The following ARSF variants were observed in gnomAD, a reference collection of about 807,000 sequenced individuals.
ARSF encodes the protein arylsulfatase F.
Under a neutral mutation model 35.4 loss-of-function variants are expected in ARSF, and 33 were observed. The ratio of observed to expected loss-of-function variants is 0.93; its 90% CI spans 0.71 to 1.25. The LOEUF (loss-of-function observed/expected upper bound fraction) is 1.25. ARSF is among the 50% of genes most tolerant of loss of function. The probability of loss-of-function intolerance (pLI) is 0.00; values close to 1 mark genes in which losing one functional copy is unlikely to be tolerated. For missense variants in ARSF, 501 were observed against 480.2 expected, an observed-to-expected ratio of 1.04 and a Z score of -0.40; for synonymous variants, 222 against 193.1, an observed-to-expected ratio of 1.15 and a Z score of -1.24.
chrX:3,109,812 A>G (rs1173830170), intron 9 of ARSF, among the ~76,000 whole-genome samples: 2 of 112,559 alleles, frequency 1.8e-5, no homozygotes, highest in Non-Finnish European at 3.7e-5. Flanking sequence ...TGAAGTTCAG[A>G]TTTATGAAAT....
At chrX:3,072,375 CTCTT>C (rs2090111777) in intron 3 of ARSF, among the ~76,000 whole-genome samples, 200 bp downstream of exon 3, 1 of 111,608 alleles carries the variant, frequency 9.0e-6, no homozygotes, top group African/African-American at 3.3e-5. Context: ...TAATTTGAAT[CTCTT>C]TCAGTTTTTA....
At chrX:3,084,038 C>G (rs1365065466) in intron 5 of ARSF, among the ~76,000 whole-genome samples, 1 of 112,014 alleles carries the variant, frequency 8.9e-6, no homozygotes, top group East Asian at 2.8e-4. Flanking sequence ...GATCTGAATA[C>G]AAACTTCCTC....
At chrX:3,056,464 C>T (rs940592052) in intron 1 of ARSF, among the ~76,000 whole-genome samples, 9 of 108,545 alleles carry the variant, frequency 8.3e-5, no homozygotes, top group East Asian at 5.9e-4. Context: ...TTAGTAGAGA[C>T]GGCGTTTCGC....
In ARSF at chrX:3,050,027, T is replaced by G. The variant is rs111795043; in HGVS notation, c.-29+8364T>G. Among the ~76,000 whole-genome samples, 199 of 110,114 alleles carry G rather than the reference T, an allele frequency of 1.8e-3. 1 individual carries two copies. The highest frequency in any genetic ancestry group is 5.8e-3 in the African/African-American group (177 of 30,313). On this transcript the variant is annotated intron_variant, in intron 1 of 10. Coordinates refer to ENST00000381127, the MANE Select transcript of ARSF (RefSeq NM_001201539.2). ...GGCACCTGCCACCACGCCCAGCTAATTTTTTTGTATTTTTAGTAGAGACGA... is the reference window on the plus strand; with the variant it reads ...GGCACCTGCCACCACGCCCAGCTAAGTTTTTTGTATTTTTAGTAGAGACGA...
At chrX:3,095,525 A>G (rs1047198660) in intron 7 of ARSF, among the ~76,000 whole-genome samples, 1 of 109,285 alleles carries the variant, frequency 9.2e-6, no homozygotes, top group Non-Finnish European at 1.9e-5. Flanking sequence ...ATTATATATT[A>G]TGTACATGTA....
At chrX:3,059,808 A>G (rs929914293) in intron 1 of ARSF, among the ~76,000 whole-genome samples, 3 of 112,785 alleles carry the variant, frequency 2.7e-5, no homozygotes, top group Non-Finnish European at 5.6e-5. Context: ...GGCAGAGCCC[A>G]CTGCAGCTCA....
At chrX:3,043,297 G>A (rs1222854818) in intron 1 of ARSF, among the ~76,000 whole-genome samples, 1 of 111,994 alleles carries the variant, frequency 8.9e-6, no homozygotes, top group Non-Finnish European at 1.9e-5. Flanking sequence ...GGTTGTATAT[G>A]GTCTGTGCAA....
At position 3,087,938 on chromosome X, in the gene ARSF, G is replaced by A. The variant is rs192468912; in HGVS notation, c.831-1558G>A. 3.6e-5 allele frequency among the ~76,000 whole-genome samples: 4 copies of A among 111,969 alleles called. No homozygotes were observed. In the East Asian group the frequency reaches 8.5e-4, roughly 24 times the overall value. On this transcript the variant is annotated intron_variant, in intron 6 of 10. Coordinates refer to ENST00000381127, the MANE Select transcript of ARSF (RefSeq NM_001201539.2). ...GTTTCAAGTGAACGTGAATTTTGAGGGGTCACTGTTCAAGACACCATGACA... is the reference window on the plus strand; with the variant it reads ...GTTTCAAGTGAACGTGAATTTTGAGAGGTCACTGTTCAAGACACCATGACA...
intron 7 of ARSF, among the ~76,000 whole-genome samples, chrX:3,099,223 G>A (rs2090359709): frequency 8.9e-6 from 1 of 111,781 alleles, no homozygotes; most frequent in South Asian, 3.7e-4. Context: ...AAATTAACAT[G>A]GGTGGATTCT....
At chrX:3,073,414 A>G (rs985855272) in intron 3 of ARSF, among the ~76,000 whole-genome samples, 1 of 101,551 alleles carries the variant, frequency 9.8e-6, no homozygotes, top group Non-Finnish European at 2.0e-5. Flanking sequence ...CTTCAGAGCT[A>G]GTAAATGCAG....
intron 3 of ARSF, among the ~76,000 whole-genome samples, chrX:3,073,431 G>C (rs1260280085): frequency 5.0e-5 from 5 of 100,583 alleles, no homozygotes; most frequent in Non-Finnish European, 9.9e-5. Context: ...GCAGAGCCAG[G>C]ACTCGGGTCC....
chrX:3,044,163 G>T (rs1232526039), intron 1 of ARSF, among the ~76,000 whole-genome samples: 1 of 112,219 alleles, frequency 8.9e-6, no homozygotes, highest in African/African-American at 3.2e-5. Flanking sequence ...TAATCAAATG[G>T]CTTAAAGAAA....
intron 1 of ARSF, among the ~76,000 whole-genome samples, chrX:3,052,442 T>G: frequency 8.9e-6 from 1 of 112,102 alleles, no homozygotes; most frequent in Admixed American, 9.5e-5. Flanking sequence ...TAAGCATGGG[T>G]GTAATTTTCT....
chrX:3,046,064 T>A (rs970573678), intron 1 of ARSF, among the ~76,000 whole-genome samples: 3 of 110,396 alleles, frequency 2.7e-5, no homozygotes, highest in African/African-American at 6.6e-5. Flanking sequence ...TGTATTTTTT[T>A]AAGTAGAGAC....
At chrX:3,067,791 AGAGGTTGCAGTGAGCT>A (rs1287354622) in intron 1 of ARSF, among the ~76,000 whole-genome samples, 1 of 108,156 alleles carries the variant, frequency 9.2e-6, no homozygotes, top group East Asian at 2.9e-4. Context: ...CCCGGGAGGC[AGAGGTTGCAGTGAGCT>A]GAGGTTGCAC....
At chrX:3,050,618 C>T (rs1184134385) in intron 1 of ARSF, among the ~76,000 whole-genome samples, 2 of 109,780 alleles carry the variant, frequency 1.8e-5, no homozygotes, top group African/African-American at 6.6e-5. Context: ...GGCCAAGTAG[C>T]TGACCTAAGA....
intron 6 of ARSF, among the ~76,000 whole-genome samples, chrX:3,088,340 G>A (rs745855201): frequency 2.7e-5 from 3 of 111,394 alleles, no homozygotes; most frequent in East Asian, 5.7e-4. Flanking sequence ...TTGACTTTTC[G>A]CACTCGCATG....
At chrX:3,060,653 G>A (rs1320737932) in intron 1 of ARSF, among the ~76,000 whole-genome samples, 1 of 111,689 alleles carries the variant, frequency 9.0e-6, no homozygotes, top group Non-Finnish European at 1.9e-5. Context: ...CAGCATAAGA[G>A]CTACGTGATG....
chrX:3,041,907 G>T (rs1458434099), intron 1 of ARSF, among the ~76,000 whole-genome samples: 1 of 112,140 alleles, frequency 8.9e-6, no homozygotes, highest in Admixed American at 9.6e-5. Flanking sequence ...TAATAAATAA[G>T]CTGGCTTTAA....
Sources: gnomAD v4.1 joint callset for allele counts (sites outside exome capture counted in the v4.1 genomes callset) on GRCh38, gnomAD v4.1.1 for gene constraint, MANE v1.5 for transcripts, NCBI Gene and HGNC (gene_info 2026-07-23, HGNC 2026-07-21) for gene names.